The following ATXN2L variants were observed in gnomAD, a reference collection of about 807,000 sequenced individuals.
ATXN2L encodes ataxin 2 like.
Under a neutral mutation model 120.7 loss-of-function variants are expected in ATXN2L, and 24 were observed. That is an observed-to-expected ratio of 0.20 (90% CI 0.14 to 0.28). The LOEUF is 0.28. ATXN2L is among the 10% of genes least tolerant of loss of function. The pLI is 1.00. For missense variants in ATXN2L, 1,312 were observed against 1,432.3 expected (o/e 0.92, Z 1.36); for synonymous variants, 653 against 568.1 (o/e 1.15, Z -2.13).
Position 28,823,310 on chromosome 16 carries a change from C to T in ATXN2L, c.51C>T (p.Pro17=), listed in dbSNP as rs775358737. 3 of 1,492,144 alleles carry T rather than the reference C, an allele frequency of 2.0e-6. No individual in the cohort carries two copies. In the South Asian group the frequency reaches 3.9e-5, roughly 19 times the overall value. The allele number at this position is 1,492,144 out of a possible 1,614,324, so 92.4% of individuals were successfully genotyped here. ...AGCCCTCCCAGCCCCAGCAGCCGCC[C>T]CCCACGCAACAGGCCGTGGCCCGTC... The part of the protein sequence containing the change: ...LQQPSQPQQP[P]PTQQAVARRP... Residue 17 remains proline, a synonymous_variant, in exon 1 of 22, where the codon CCC becomes CCT. Coordinates refer to ENST00000336783, the MANE Select transcript of ATXN2L (RefSeq NM_007245.4).
At position 28,832,201 on chromosome 16, in the gene ATXN2L, C is replaced by T. The variant is rs1487598326; in HGVS notation, c.1322-4C>T. The T allele has an allele frequency of 6.2e-7, 1 of 1,614,024 alleles. No homozygotes were observed. The highest frequency in any genetic ancestry group is 1.1e-5 in the South Asian group (1 of 91,074). ...CCATCCTACAGCTCCCCCTTTTCTT[C>T]CAGTGGGCCGGATGTATCCCCCGCG... On this transcript the variant is annotated splice_region_variant and splice_polypyrimidine_tract_variant and intron_variant, in intron 10 of 21. Transcript: ENST00000336783.
At chr16:28,829,538 T>C in intron 7 of ATXN2L, 46 bp downstream of exon 7, 1 of 1,376,928 alleles carries the variant, frequency 7.3e-7, no homozygotes, top group Non-Finnish European at 1.0e-6. Context: ...TGATATGGGG[T>C]CACTAAGTGA....
At chr16:28,825,510 C>A in intron 2 of ATXN2L, 108 bp downstream of exon 2, 1 of 1,527,336 alleles carries the variant, frequency 6.5e-7, no homozygotes, top group Admixed American at 1.7e-5. Context: ...CTCAGGAGGG[C>A]TGTGGGCCCG....
Position 28,833,065 on chromosome 16 carries a change from C to G in ATXN2L, c.1666C>G (p.Pro556Ala). 5 of 1,613,722 alleles carry G rather than the reference C, an allele frequency of 3.1e-6. No individual in the cohort carries two copies. The highest frequency in any genetic ancestry group is 4.2e-6 in the Non-Finnish European group (5 of 1,179,726). ...GTGTGTTTCTCTCTTCCAGCTTCAG[C>G]CCAGTAGCTCCCCTGAGAACAGCCT... is the stretch of plus-strand genomic sequence containing the variant. ...RKFGAQFKLQ[P>A]SSSPENSLDP... The change falls in exon 14 of 22, where the codon CCC (proline) becomes GCC (alanine). Residue 556 changes from proline (P) to alanine (A), a missense_variant. Physicochemically the swap from Pro to Ala is conservative, Grantham distance 27. Coordinates refer to ENST00000336783, the MANE Select transcript of ATXN2L (RefSeq NM_007245.4).
rs756732777 is a variant in ATXN2L at position 28,830,693 on chromosome 16, C to T, written c.1113C>T (p.Gly371=). The T allele has an allele frequency of 1.4e-5, 22 of 1,613,542 alleles. No homozygotes were observed. The highest frequency in any genetic ancestry group is 2.2e-5 in the East Asian group (1 of 44,848). The change falls in exon 9 of 22, where the codon GGC becomes GGT. Residue 371 remains glycine, a synonymous_variant. Coordinates refer to ENST00000336783, the MANE Select transcript of ATXN2L (RefSeq NM_007245.4). ...RGGVRCSSSR[G]GRPGLSSLPP... ...GAGTTCGATGCAGCAGCTCTCGGGG[C>T]GGTCGGCCTGGCCTTAGCTCTTTGC...
chr16:28,832,692 CT>C, intron 12 of ATXN2L, 124 bp from the exon 13 acceptor site: 1 of 1,411,680 alleles, frequency 7.1e-7, no homozygotes, highest in Middle Eastern at 1.9e-4. Context: ...TATAATTTCA[CT>C]TCTGTGATCC....
At chr16:28,827,607 C>T (rs555074232) in intron 6 of ATXN2L, among the ~76,000 whole-genome samples, 1 of 151,628 alleles carries the variant, frequency 6.6e-6, no homozygotes, top group South Asian at 2.1e-4. Flanking sequence ...CGCAGTGGCT[C>T]ATGCCTGTAG....
chr16:28,827,565 C>T (rs895613158), intron 6 of ATXN2L, among the ~76,000 whole-genome samples: 2 of 151,724 alleles, frequency 1.3e-5, no homozygotes, highest in South Asian at 2.1e-4. Context: ...AAATCAGCTA[C>T]TCTGAGGCAT....
At chr16:28,830,886 C>G (rs1360835740) in intron 9 of ATXN2L, 76 bp from the exon 10 acceptor site, 2 of 1,495,194 alleles carry the variant, frequency 1.3e-6, no homozygotes, top group African/African-American at 2.9e-5. Context: ...TGGAATGACG[C>G]TGCATCGGTG....
chr16:28,825,533 C>T, intron 2 of ATXN2L, 91 bp from the exon 3 acceptor site: 4 of 1,535,436 alleles, frequency 2.6e-6, no homozygotes, highest in Non-Finnish European at 3.6e-6. Flanking sequence ...ACACACAAGG[C>T]AGAATGAGTA....
Position 28,826,905 on chromosome 16 carries a change from T to C in ATXN2L, c.660T>C (p.Asn220=), listed in dbSNP as rs2052290339. Residue 220 remains asparagine (N), a synonymous_variant, in exon 6 of 22, where the codon AAT becomes AAC. Transcript: ENST00000336783. ...DSAIAMNSKV[N]GEHKEKVLQR... is the part of the protein sequence containing the mutation. Reference sequence around the variant, plus strand: ...CCATTGCCATGAACTCGAAAGTGAATGGGGAACACAAAGAGAAGGTGCTTC... The same window carrying C: ...CCATTGCCATGAACTCGAAAGTGAACGGGGAACACAAAGAGAAGGTGCTTC... 2.5e-6 allele frequency: 4 copies of C among 1,599,372 alleles called. No individual in the cohort carries two copies. The highest frequency in any genetic ancestry group is 3.4e-6 in the Non-Finnish European group (4 of 1,170,954).
In ATXN2L at chr16:28,826,417, C is replaced by T. The variant is rs1398603129; in HGVS notation, c.616+27C>T. ...TATTGTCCTAGGCTGTTACCTCAGA[C>T]CTGCTCTGTGTGCATAGAGGACAGA... is the stretch of plus-strand genomic sequence containing the variant. On this transcript the variant is annotated intron_variant, in intron 5 of 21. Coordinates refer to ENST00000336783, the MANE Select transcript of ATXN2L (RefSeq NM_007245.4). The T allele has an allele frequency of 3.1e-6, 5 of 1,611,250 alleles. No homozygotes were observed. The Admixed American group carries it at 5.0e-5, about 16-fold the overall frequency.
At chr16:28,823,963 A>G (rs960198068) in intron 1 of ATXN2L, 2 of 347,208 alleles carry the variant, frequency 5.8e-6, no homozygotes, top group East Asian at 1.5e-4. Flanking sequence ...CCCCGGCCGT[A>G]GCCAATGGAG....
intron 4 of ATXN2L, 128 bp from the exon 5 acceptor site, chr16:28,826,112 A>G (rs1009660201): frequency 8.9e-7 from 1 of 1,118,494 alleles, no homozygotes; most frequent in African/African-American, 1.6e-5. Context: ...CATGTTGAGG[A>G]TGTAGTGTTG....
In ATXN2L at chr16:28,834,840, C is replaced by A. The variant is rs1959530667; in HGVS notation, c.2433+147C>A. On this transcript the variant is annotated intron_variant, in intron 18 of 21. Coordinates refer to ENST00000336783, the MANE Select transcript of ATXN2L (RefSeq NM_007245.4). Reference sequence around the variant, plus strand: ...TGGTATTGGCGGTGTCAGACTTGGGCTTGAGCCCTGGCTCTGGTGGTACCT... The same window carrying A: ...TGGTATTGGCGGTGTCAGACTTGGGATTGAGCCCTGGCTCTGGTGGTACCT... The A allele has an allele frequency of 5.8e-6, 7 of 1,204,748 alleles. No individual in the cohort carries two copies. The South Asian group carries it at 9.3e-5, about 16-fold the overall frequency. The allele number at this position is 1,204,748 out of a possible 1,614,324, so 74.6% of individuals were successfully genotyped here.
chr16:28,830,953 A>C lies in ATXN2L; in HGVS notation c.1211-9A>C. 1 of 1,540,934 alleles carries C rather than the reference A, an allele frequency of 6.5e-7. No individual in the cohort carries two copies. Among genetic ancestry groups the C allele is most frequent in the Non-Finnish European group, 8.7e-7 (1 of 1,149,960 alleles). ...TTTCTTCTCAAAAAAAAAAAAAAAA[A>C]CCAAACAGGCCCTTCCCGCATGTCC... On this transcript the variant is annotated splice_polypyrimidine_tract_variant and intron_variant, in intron 9 of 21. Coordinates refer to ENST00000336783, the MANE Select transcript of ATXN2L (RefSeq NM_007245.4).
chr16:28,825,484 G>C, intron 2 of ATXN2L, 82 bp downstream of exon 2: 1 of 1,542,268 alleles, frequency 6.5e-7, no homozygotes, highest in Non-Finnish European at 9.0e-7. Flanking sequence ...ATTAGGTCTA[G>C]ATAGAGTCTA....
chr16:28,832,084 C>T, intron 10 of ATXN2L, 121 bp from the exon 11 acceptor site: 3 of 1,060,888 alleles, frequency 2.8e-6, no homozygotes, highest in South Asian at 3.2e-5. Context: ...AGCTTCTAGA[C>T]ATTTAAGTTG....
chr16:28,831,203 CAT>C (rs1378423725), intron 10 of ATXN2L, 131 bp downstream of exon 10: 1 of 713,316 alleles, frequency 1.4e-6, no homozygotes, highest in Non-Finnish European at 2.3e-6. Flanking sequence ...GGGATTTAGT[CAT>C]ATTGGGAAAT....
Sources: allele counts gnomAD v4.1 joint callset (sites outside exome capture counted in the v4.1 genomes callset), GRCh38; gene constraint gnomAD v4.1.1; transcripts MANE v1.5; gene names NCBI Gene and HGNC (gene_info 2026-07-23, HGNC 2026-07-21).